Variants in KLKB1 observed in about 807,000 individuals in gnomAD.
The protein encoded by KLKB1 is plasma kallikrein.
A neutral mutation model predicts 73.6 loss-of-function variants in KLKB1; 58 were observed. The observed-to-expected ratio is 0.79, with a 90% CI of 0.64 to 0.98. The LOEUF is 0.98. Among genes scored for constraint, KLKB1 ranks in the 50% least tolerant of loss-of-function variants. The pLI is 0.00. For synonymous variants in KLKB1, 280 were observed against 258.1 expected, an observed-to-expected ratio of 1.08 and a Z score of -0.81; for missense variants, 737 against 763.8, an observed-to-expected ratio of 0.96 and a Z score of 0.41.
At chr4:186,248,194 G>A (rs556576040) in intron 6 of KLKB1, among the ~76,000 whole-genome samples, 88 of 152,002 alleles carry the variant, frequency 5.8e-4, no homozygotes, top group African/African-American at 1.8e-3. Context: ...CTTGCAGTGA[G>A]CCAAGATTGC....
At chr4:186,220,614 A>G (rs1737014030) in intron 2 of KLKB1, among the ~76,000 whole-genome samples, 1 of 152,204 alleles carries the variant, frequency 6.6e-6, no homozygotes, top group Non-Finnish European at 1.5e-5. Flanking sequence ...AATGTGGTAT[A>G]TAGCATTTAT....
In KLKB1 at chr4:186,258,100, G is replaced by A. The variant is rs377736514; in HGVS notation, c.1805G>A (p.Cys602Tyr). Residue 602 changes from cysteine (C) to tyrosine (Y), a missense_variant, in exon 15 of 15, where the codon TGT becomes TAT. Cys to Tyr is a radical substitution (Grantham distance 194). Coordinates refer to ENST00000264690, the MANE Select transcript of KLKB1 (RefSeq NM_000892.5). ...GGCATCACCAGCTGGGGTGAAGGCT[G>A]TGCCCGCAGGGAGCAACCTGGTGTC... The part of the protein sequence containing the change: ...LVGITSWGEG[C>Y]ARREQPGVYT... 1.2e-5 allele frequency: 20 copies of A among 1,614,060 alleles called. No individual in the cohort carries two copies. Among genetic ancestry groups the A allele is most frequent in the Non-Finnish European group, 1.6e-5 (19 of 1,180,014 alleles).
upstream of KLKB1, among the ~76,000 whole-genome samples, chr4:186,223,608 T>C (rs1156938482): frequency 6.6e-6 from 1 of 152,192 alleles, no homozygotes; most frequent in Non-Finnish European, 1.5e-5. Context: ...AATAAATTTC[T>C]AAGCAGAAAA....
rs1367608251 is a variant in KLKB1 at position 186,251,725 on chromosome 4, C to G, written c.1032-24C>G. On this transcript the variant is annotated intron_variant, in intron 9 of 14. Transcript: ENST00000264690. ...CTCTTTCCCCCTGTGAAGGCTTACT[C>G]TTTCTACTGTTCATTTCATCTAGGT... 2.5e-6 allele frequency: 4 copies of G among 1,606,446 alleles called. No individual in the cohort carries two copies. The African/African-American group carries it at 5.4e-5, about 21-fold the overall frequency.
chr4:186,251,563 G>A lies in KLKB1; in HGVS notation c.945G>A (p.Val315=), dbSNP rs137905627. 16 of 1,614,056 alleles carry A rather than the reference G, an allele frequency of 9.9e-6. No individual in the cohort carries two copies. The African/African-American group carries it at 2.1e-4, about 22-fold the overall frequency. ...TGAATGTGACTTTTGTTAAAGGAGTGAATGTTTGCCAAGAGACTTGCACAA... is the reference window on the plus strand; with the variant it reads ...TGAATGTGACTTTTGTTAAAGGAGTAAATGTTTGCCAAGAGACTTGCACAA... The part of the protein sequence containing the change: ...EELNVTFVKG[V]NVCQETCTKM... The change falls in exon 9 of 15, where the codon GTG becomes GTA. Residue 315 remains valine, a synonymous_variant. Coordinates refer to ENST00000264690, the MANE Select transcript of KLKB1 (RefSeq NM_000892.5).
intron 12 of KLKB1, among the ~76,000 whole-genome samples, chr4:186,255,372 G>A (rs1012040808): frequency 8.5e-5 from 13 of 152,120 alleles, no homozygotes; most frequent in Non-Finnish European, 1.8e-4. Flanking sequence ...ACCAGCCTGG[G>A]CAACACAGTG....
chr4:186,245,548 T>C (rs530296629), intron 6 of KLKB1, among the ~76,000 whole-genome samples: 60 of 152,300 alleles, frequency 3.9e-4, no homozygotes, highest in African/African-American at 1.3e-3. Flanking sequence ...CCTTGGCCCA[T>C]TGGCCAGATT....
chr4:186,216,002 C>G (rs1297253246), intron 2 of KLKB1, among the ~76,000 whole-genome samples: 1 of 152,156 alleles, frequency 6.6e-6, no homozygotes, highest in African/African-American at 2.4e-5. Flanking sequence ...TCATATGATG[C>G]AATTGGACGG....
chr4:186,215,237 C>G (rs1736858639), intron 2 of KLKB1, among the ~76,000 whole-genome samples: 1 of 148,240 alleles, frequency 6.7e-6, no homozygotes, highest in African/African-American at 2.5e-5. Context: ...CATGTTTTAG[C>G]TGAATAGTAA....
chr4:186,231,425 ACAG>A (rs1292019255), intron 2 of KLKB1, among the ~76,000 whole-genome samples: 1 of 152,266 alleles, frequency 6.6e-6, no homozygotes, highest in Non-Finnish European at 1.5e-5. Flanking sequence ...ATAATTCCAA[ACAG>A]CAAATAGTTC....
upstream of KLKB1, among the ~76,000 whole-genome samples, chr4:186,223,860 A>C (rs1737084179): frequency 6.6e-6 from 1 of 152,180 alleles, no homozygotes; most frequent in Non-Finnish European, 1.5e-5. Context: ...ACAATGGGGA[A>C]ATGTCTCCAG....
chr4:186,257,251 G>A lies in KLKB1; in HGVS notation c.1611G>A (p.Lys537=). The A allele has an allele frequency of 6.3e-7, 1 of 1,594,822 alleles. No individual in the cohort carries two copies. The highest frequency in any genetic ancestry group is 8.6e-7 in the Non-Finnish European group (1 of 1,168,024). The change falls in exon 14 of 15, where the codon AAG becomes AAA. Residue 537 remains lysine (K), a synonymous_variant. Coordinates refer to ENST00000264690, the MANE Select transcript of KLKB1 (RefSeq NM_000892.5). ...EKGEIQNILQ[K]VNIPLVTNEE... is the part of the protein sequence containing the mutation. ...GTGAAATCCAAAATATTCTACAAAA[G>A]GTAAATATTCCTTTGGTAACAAATG...
intron 14 of KLKB1, among the ~76,000 whole-genome samples, chr4:186,257,628 G>C (rs559308460): frequency 9.9e-6 from 1 of 101,324 alleles, no homozygotes; most frequent in Non-Finnish European, 2.0e-5. Context: ...AAAAACATTA[G>C]ACTTCATCAT....
chr4:186,233,331 T>G (rs1209896128), intron 3 of KLKB1, among the ~76,000 whole-genome samples: 1 of 152,254 alleles, frequency 6.6e-6, no homozygotes, highest in East Asian at 1.9e-4. Context: ...TGTTCCCATT[T>G]CCATGTTCAT....
At chr4:186,242,149 G>A (rs772438818) in intron 6 of KLKB1, among the ~76,000 whole-genome samples, 48 of 137,426 alleles carry the variant, frequency 3.5e-4, no homozygotes, top group Non-Finnish European at 7.0e-4. Flanking sequence ...GGCGGGCAGC[G>A]GTGGGGGGTC....
intron 6 of KLKB1, among the ~76,000 whole-genome samples, chr4:186,246,750 A>C (rs1178608853): frequency 6.6e-6 from 1 of 152,060 alleles, no homozygotes; most frequent in Non-Finnish European, 1.5e-5. Flanking sequence ...GCCCCCAGGA[A>C]AGTGGTTCTT....
At chr4:186,227,131 G>A (rs1362169583), upstream of KLKB1, among the ~76,000 whole-genome samples, 1 of 152,148 alleles carries the variant, frequency 6.6e-6, no homozygotes, top group African/African-American at 2.4e-5. Context: ...TCTCCATACT[G>A]TGCTGCCCAG....
At chr4:186,227,795 G>T (rs1169241180) in intron 1 of KLKB1, among the ~76,000 whole-genome samples, 1 of 152,066 alleles carries the variant, frequency 6.6e-6, no homozygotes, top group Non-Finnish European at 1.5e-5. Flanking sequence ...TTTTAAATGG[G>T]CTTTAATATT....
At chr4:186,251,992 A>G in intron 10 of KLKB1, 25 bp from the exon 11 acceptor site, 1 of 1,614,208 alleles carries the variant, frequency 6.2e-7, no homozygotes, top group Non-Finnish European at 8.5e-7. Flanking sequence ...AATTCCAACC[A>G]TTAGCGTCAA....
Sources: gnomAD v4.1 joint callset for allele counts (sites outside exome capture counted in the v4.1 genomes callset) on GRCh38, gnomAD v4.1.1 for gene constraint, MANE v1.5 for transcripts, NCBI Gene and HGNC (gene_info 2026-07-23, HGNC 2026-07-21) for gene names.